STPG1: variants seen among roughly 807,000 people sequenced by gnomAD.
STPG1 encodes the protein O(6)-methylguanine-induced apoptosis 2.
A neutral mutation model predicts 40.1 loss-of-function variants in STPG1; 33 were observed. The observed-to-expected ratio is 0.82, with a 90% CI of 0.62 to 1.10. STPG1 has a LOEUF of 1.10. Among genes scored for constraint, STPG1 ranks in the 50% least tolerant of loss-of-function variants. STPG1 has a pLI of 0.00. For missense variants in STPG1, 396 were observed against 415.1 expected, an observed-to-expected ratio of 0.95 and a Z score of 0.40; for synonymous variants, 150 against 155.0, an observed-to-expected ratio of 0.97 and a Z score of 0.24.
intron 7 of STPG1, among the ~76,000 whole-genome samples, chr1:24,366,074 C>T (rs1397934511): frequency 6.6e-6 from 1 of 152,206 alleles, no homozygotes; most frequent in Non-Finnish European, 1.5e-5. Flanking sequence ...TGCACTGATG[C>T]TTCCTGCACC....
intron 7 of STPG1, among the ~76,000 whole-genome samples, chr1:24,366,955 G>A (rs1260213508): frequency 2.6e-5 from 4 of 152,184 alleles, no homozygotes; most frequent in Non-Finnish European, 4.4e-5. Context: ...AGGGGCAGAG[G>A]GTTACGATGC....
intron 7 of STPG1, among the ~76,000 whole-genome samples, chr1:24,368,134 T>C (rs900164757): frequency 6.6e-6 from 1 of 152,150 alleles, no homozygotes; most frequent in African/African-American, 2.4e-5. Context: ...CCCTACAGCC[T>C]GTACAAGGCC....
At chr1:24,389,694 G>A (rs5026924) in intron 3 of STPG1, among the ~76,000 whole-genome samples, 3,132 of 152,214 alleles carry the variant, frequency 0.021, 134 homozygotes, top group African/African-American at 0.072. Context: ...TGTTTTTATC[G>A]GAGGCTGGGC....
chr1:24,403,786 T>C (rs1023312673), intron 1 of STPG1, among the ~76,000 whole-genome samples: 2 of 152,164 alleles, frequency 1.3e-5, no homozygotes, highest in African/African-American at 4.8e-5. Flanking sequence ...AAGTAATTTA[T>C]ATATATTAAT....
intron 2 of STPG1, among the ~76,000 whole-genome samples, chr1:24,395,455 C>T (rs6658381): frequency 0.39 from 52,715 of 135,940 alleles, 9,734 homozygotes; most frequent in East Asian, 0.48. Flanking sequence ...TTTTTTTAGA[C>T]GGAGTCTCGT....
chr1:24,372,034 C>T (rs994335931), intron 6 of STPG1, among the ~76,000 whole-genome samples: 22 of 152,090 alleles, frequency 1.4e-4, no homozygotes, highest in African/African-American at 3.9e-4. Context: ...AAAAGTTAGC[C>T]GGGCGTGGCG....
rs1557440345 is a variant in STPG1, at chr1:24,374,242, G to GCGTTTTT, written c.463-433_463-432insAAAAACG. 3.2e-5 allele frequency among the ~76,000 whole-genome samples: 4 copies of GCGTTTTT among 124,860 alleles called. 1 individual carries two copies. Among genetic ancestry groups the GCGTTTTT allele is most frequent in the African/African-American group, 1.3e-4 (4 of 30,788 alleles). 81.9% of individuals were successfully genotyped at this position (124,860 alleles called of 152,430 possible). A position where few individuals can be genotyped will look rare whatever the true frequency, so the allele number is the denominator to read the frequency against. On this transcript the variant is annotated intron_variant, in intron 5 of 8. Transcript: ENST00000337248. The stretch of plus-strand genomic sequence containing the variant: ...CCCAGCAGAGATCACCGCTAGGAAA[G>GCGTTTTT]TGTTTTTTTTTTTTGTTTTTTTTTT...
intron 2 of STPG1, among the ~76,000 whole-genome samples, chr1:24,400,652 A>G (rs1453737586): frequency 2.0e-5 from 3 of 152,210 alleles, no homozygotes; most frequent in Admixed American, 2.0e-4. Context: ...GCCTCGAAAG[A>G]AAAAGCGCTG....
At chr1:24,409,231 G>C (rs910757807) in intron 1 of STPG1, among the ~76,000 whole-genome samples, 2 of 152,152 alleles carry the variant, frequency 1.3e-5, no homozygotes, top group Non-Finnish European at 2.9e-5. Context: ...ATGGTGGCAT[G>C]TGCCTGTAGT....
At chr1:24,409,581 T>C (rs1643536745) in intron 1 of STPG1, among the ~76,000 whole-genome samples, 1 of 152,358 alleles carries the variant, frequency 6.6e-6, no homozygotes. Flanking sequence ...TGGTCAATTG[T>C]GGTTTGAAAA....
chr1:24,376,890 T>G (rs1642052489), intron 5 of STPG1, among the ~76,000 whole-genome samples: 1 of 152,150 alleles, frequency 6.6e-6, no homozygotes, highest in Non-Finnish European at 1.5e-5. Context: ...ATCTCCTCGC[T>G]GGTTTTCCAG....
chr1:24,397,292 A>G (rs1198445636), intron 2 of STPG1, among the ~76,000 whole-genome samples: 2 of 152,222 alleles, frequency 1.3e-5, no homozygotes, highest in Non-Finnish European at 2.9e-5. Context: ...AGATCAGTAA[A>G]GATATATGAA....
At chr1:24,411,998 C>A (rs1398062991) in intron 1 of STPG1, 9 of 152,208 alleles carry the variant, frequency 5.9e-5, no homozygotes, top group African/African-American at 1.7e-4. Flanking sequence ...ACCCTTGGAA[C>A]CAACTCAAAG....
intron 7 of STPG1, among the ~76,000 whole-genome samples, chr1:24,363,814 C>G (rs1641277349): frequency 6.6e-6 from 1 of 152,082 alleles, no homozygotes. Context: ...GCAGAGGGAA[C>G]AGCAGGAGCA....
In STPG1 at chr1:24,401,191, A is replaced by AT; in HGVS notation, c.70+127dup. 5 of 697,986 alleles carry AT rather than the reference A, an allele frequency of 7.2e-6. No individual in the cohort carries two copies. The East Asian group carries it at 1.3e-4, about 19-fold the overall frequency. 43.2% of individuals were successfully genotyped at this position (697,986 alleles called of 1,614,324 possible). ...GAAACAGTAGGGCCTAAAGCCACCT[A>AT]TTTGGTATGCCTGTAAGGATGGCCC... On this transcript the variant is annotated intron_variant, in intron 2 of 8. Transcript: ENST00000337248.
At chr1:24,361,659 G>C (rs530012892) in intron 7 of STPG1, among the ~76,000 whole-genome samples, 1 of 152,238 alleles carries the variant, frequency 6.6e-6, no homozygotes, top group Admixed American at 6.5e-5. Context: ...GCACCGGGCT[G>C]GAAATCAAGA....
chr1:24,379,903 C>A, intron 4 of STPG1, 80 bp from the exon 5 acceptor site: 1 of 1,433,440 alleles, frequency 7.0e-7, no homozygotes, highest in South Asian at 1.2e-5. Flanking sequence ...AAGATGGTGA[C>A]CAGCACAAGG....
intron 2 of STPG1, among the ~76,000 whole-genome samples, chr1:24,394,621 A>G (rs902189370): frequency 2.6e-5 from 4 of 152,228 alleles, no homozygotes; most frequent in African/African-American, 9.6e-5. Flanking sequence ...CATATTAAGT[A>G]GATATGGAAG....
rs1643225332 is a variant in STPG1, at chr1:24,401,450, T to C, written c.-62A>G. On this transcript the variant is annotated 5_prime_UTR_variant, in exon 2 of 9. Transcript: ENST00000337248. ...TGAAAAGTTCTACTGCATGTTCTCCTAAGCACCTGAAACAGCAAAACACAG... is the reference window on the plus strand; with the variant it reads ...TGAAAAGTTCTACTGCATGTTCTCCCAAGCACCTGAAACAGCAAAACACAG... 4 of 1,439,310 alleles carry C rather than the reference T, an allele frequency of 2.8e-6. No homozygotes were observed. The highest frequency in any genetic ancestry group is 3.9e-6 in the Non-Finnish European group (4 of 1,025,160). The allele number at this position is 1,439,310 out of a possible 1,614,324, so 89.2% of individuals were successfully genotyped here.
Sources: allele counts gnomAD v4.1 joint callset (sites outside exome capture counted in the v4.1 genomes callset), GRCh38; gene constraint gnomAD v4.1.1; transcripts MANE v1.5; gene names NCBI Gene and HGNC (gene_info 2026-07-23, HGNC 2026-07-21).